The following FBXL17 variants were observed in gnomAD, a reference collection of about 807,000 sequenced individuals.
The protein encoded by FBXL17 is F-box and leucine rich repeat protein 17.
A neutral mutation model predicts 66.2 loss-of-function variants in FBXL17; 22 were observed. The observed-to-expected ratio is 0.33, with a 90% CI of 0.24 to 0.47. FBXL17 has a LOEUF of 0.47. Ranked by LOEUF, FBXL17 falls within the 20% of genes least tolerant of loss-of-function variation. FBXL17 has a pLI of 1.00. For missense variants in FBXL17, 878 were observed against 948.2 expected, an observed-to-expected ratio of 0.93 and a Z score of 0.97; for synonymous variants, 474 against 400.5, an observed-to-expected ratio of 1.18 and a Z score of -2.19.
chr5:107,992,146 G>T (rs1753277531), intron 7 of FBXL17, among the ~76,000 whole-genome samples: 1 of 151,648 alleles, frequency 6.6e-6, no homozygotes, highest in African/African-American at 2.4e-5. Flanking sequence ...CTATACAATT[G>T]GGGCAGGTAG....
intron 6 of FBXL17, among the ~76,000 whole-genome samples, chr5:108,073,687 T>C (rs980359787): frequency 6.6e-6 from 1 of 152,166 alleles, no homozygotes; most frequent in Non-Finnish European, 1.5e-5. Context: ...AAGGTTATTG[T>C]CATGGAAAGC....
At chr5:108,065,369 C>G (rs1748080111) in intron 6 of FBXL17, among the ~76,000 whole-genome samples, 1 of 152,144 alleles carries the variant, frequency 6.6e-6, no homozygotes, top group East Asian at 1.9e-4. Context: ...GGAGTTTAAA[C>G]AGCTACAATG....
At chr5:108,171,524 A>G (rs1359104972) in intron 6 of FBXL17, among the ~76,000 whole-genome samples, 1 of 152,228 alleles carries the variant, frequency 6.6e-6, no homozygotes, top group Non-Finnish European at 1.5e-5. Context: ...AATGAATGAA[A>G]AACTCTCAGC....
chr5:108,147,725 A>G (rs545384326), intron 6 of FBXL17, among the ~76,000 whole-genome samples: 1 of 152,316 alleles, frequency 6.6e-6, no homozygotes, highest in African/African-American at 2.4e-5. Flanking sequence ...CATAATAAAT[A>G]AAAATTAAAC....
intron 6 of FBXL17, among the ~76,000 whole-genome samples, chr5:108,038,388 C>A (rs1050259308): frequency 1.3e-5 from 2 of 151,600 alleles, no homozygotes; most frequent in Admixed American, 1.3e-4. Context: ...TTAAAATACG[C>A]CAAAAAAACC....
intron 7 of FBXL17, among the ~76,000 whole-genome samples, chr5:107,966,278 G>A (rs892657235): frequency 2.6e-4 from 40 of 152,084 alleles, no homozygotes; most frequent in African/African-American, 7.0e-4. Context: ...TTACTCAGGG[G>A]AAGGGGCTGG....
At chr5:107,907,398 C>A (rs954197618) in intron 7 of FBXL17, among the ~76,000 whole-genome samples, 1 of 152,120 alleles carries the variant, frequency 6.6e-6, no homozygotes, top group Non-Finnish European at 1.5e-5. Context: ...GAACTAAGCA[C>A]CTGTGAACTC....
chr5:107,880,223 A>C, intron 8 of FBXL17: 1 of 299,116 alleles, frequency 3.3e-6, no homozygotes, highest in Non-Finnish European at 4.9e-6. Flanking sequence ...GTGTGCCATT[A>C]TGCCTGGCTA....
chr5:108,272,132 TACAA>T (rs972930192), intron 4 of FBXL17, among the ~76,000 whole-genome samples: 1 of 151,806 alleles, frequency 6.6e-6, no homozygotes, highest in African/African-American at 2.4e-5. Flanking sequence ...CTACTAAAAA[TACAA>T]ACAAATTAGC....
At chr5:108,371,630 A>C (rs11744374) in intron 1 of FBXL17, among the ~76,000 whole-genome samples, 62,605 of 151,992 alleles carry the variant, frequency 0.41, 13,932 homozygotes, top group Non-Finnish European at 0.5. Flanking sequence ...AGACATGCTC[A>C]CAGAGCTAAA....
intron 4 of FBXL17, among the ~76,000 whole-genome samples, chr5:108,297,545 G>A (rs1014520300): frequency 6.6e-6 from 1 of 151,520 alleles, no homozygotes; most frequent in African/African-American, 2.4e-5. Context: ...AAAATCCAAT[G>A]CATAAACATC....
At chr5:107,990,509 T>G (rs920664109) in intron 7 of FBXL17, among the ~76,000 whole-genome samples, 1 of 152,136 alleles carries the variant, frequency 6.6e-6, no homozygotes, top group Non-Finnish European at 1.5e-5. Flanking sequence ...CCGCATTATT[T>G]TGGGCAGGTT....
At chr5:108,080,916 C>T (rs906610383) in intron 6 of FBXL17, among the ~76,000 whole-genome samples, 1 of 152,030 alleles carries the variant, frequency 6.6e-6, no homozygotes, top group African/African-American at 2.4e-5. Context: ...TAAAAAGGTG[C>T]CAGACTCTTA....
intron 7 of FBXL17, among the ~76,000 whole-genome samples, chr5:108,015,744 G>A (rs1754358505): frequency 2.0e-5 from 3 of 152,048 alleles, no homozygotes; most frequent in Admixed American, 2.0e-4. Flanking sequence ...TCCTAATTTG[G>A]GTTAACTAAC....
intron 7 of FBXL17, among the ~76,000 whole-genome samples, chr5:108,015,816 T>C (rs288178): frequency 0.3 from 46,064 of 152,036 alleles, 7,438 homozygotes; most frequent in East Asian, 0.54. Flanking sequence ...AATCTTCCAA[T>C]AGTATCAGAA....
intron 7 of FBXL17, among the ~76,000 whole-genome samples, chr5:107,940,529 G>C (rs1406982820): frequency 2.0e-5 from 3 of 152,124 alleles, no homozygotes. Flanking sequence ...AAATACTTTA[G>C]TGGGGAAGGA....
intron 6 of FBXL17, among the ~76,000 whole-genome samples, chr5:108,111,900 T>C (rs1197533836): frequency 6.6e-6 from 1 of 152,226 alleles, no homozygotes; most frequent in Admixed American, 6.5e-5. Context: ...CACTCTGTCA[T>C]AAATCTGTTG....
At chr5:108,329,520 T>A (rs1760018230) in intron 4 of FBXL17, among the ~76,000 whole-genome samples, 1 of 152,112 alleles carries the variant, frequency 6.6e-6, no homozygotes, top group Non-Finnish European at 1.5e-5. Context: ...ATCAACTCAA[T>A]AGAATAATGC....
chr5:108,122,654 C>T lies in FBXL17; in HGVS notation c.1745+63463G>A, dbSNP rs375889961. ...GTAAAACGAATGCCAATTGTGTATT[C>T]ACACAAAAGCAAGACATTGAGTAAC... On this transcript the variant is annotated intron_variant, in intron 6 of 8. Transcript: ENST00000542267. 2.4e-4 allele frequency among the ~76,000 whole-genome samples: 37 copies of T among 152,192 alleles called. No homozygotes were observed. In the South Asian group the frequency reaches 7.5e-3, roughly 31 times the overall value.
Sources: gnomAD v4.1 joint callset for allele counts (sites outside exome capture counted in the v4.1 genomes callset) on GRCh38, gnomAD v4.1.1 for gene constraint, MANE v1.5 for transcripts, NCBI Gene and HGNC (gene_info 2026-07-23, HGNC 2026-07-21) for gene names.